Variants in GRIN2A observed in about 807,000 individuals in gnomAD.
The protein encoded by GRIN2A is glutamate receptor ionotropic, NMDA 2A.
Under a neutral mutation model 113.4 loss-of-function variants are expected in GRIN2A, and 22 were observed. That is an observed-to-expected ratio of 0.19 (90% CI 0.14 to 0.28). The LOEUF (loss-of-function observed/expected upper bound fraction) is 0.28. Ranked by LOEUF, GRIN2A falls within the 10% of genes least tolerant of loss-of-function variation. GRIN2A has a pLI of 1.00. For synonymous variants in GRIN2A, 827 were observed against 738.4 expected, an observed-to-expected ratio of 1.12 and a Z score of -1.94; for missense variants, 1,502 against 1,887.0, an observed-to-expected ratio of 0.80 and a Z score of 3.78.
chr16:9,767,906 T>C (rs1233318901), intron 12 of GRIN2A, among the ~76,000 whole-genome samples: 1 of 152,242 alleles, frequency 6.6e-6, no homozygotes, highest in African/African-American at 2.4e-5. Context: ...GATTTTGTTT[T>C]GTTGGGCATG....
chr16:9,980,760 T>C (rs1399186016), intron 2 of GRIN2A, among the ~76,000 whole-genome samples: 1 of 146,708 alleles, frequency 6.8e-6, no homozygotes. Context: ...ACACCACATG[T>C]TCTCACTCAT....
intron 2 of GRIN2A, among the ~76,000 whole-genome samples, chr16:9,953,659 G>T (rs2045234849): frequency 6.6e-6 from 1 of 152,154 alleles, no homozygotes; most frequent in African/African-American, 2.4e-5. Flanking sequence ...TGGAAAAGAG[G>T]CAGAGAAGGA....
intron 2 of GRIN2A, among the ~76,000 whole-genome samples, chr16:10,158,092 C>T (rs2049738872): frequency 6.6e-6 from 1 of 152,138 alleles, no homozygotes; most frequent in African/African-American, 2.4e-5. Flanking sequence ...GCAGCCTCAA[C>T]CTCCTGGGCT....
chr16:10,180,207 C>T lies in GRIN2A; in HGVS notation c.205G>A (p.Val69Met), dbSNP rs367543128. The change falls in exon 2 of 13, where the codon GTG becomes ATG. Residue 69 changes from valine (V) to methionine (M), a missense_variant. Val to Met is a conservative substitution (Grantham distance 21, BLOSUM62 1). Coordinates refer to ENST00000330684, the MANE Select transcript of GRIN2A (RefSeq NM_001134407.3). The surrounding 1 kb of genome is among the most constrained non-coding windows in gnomAD (Gnocchi z 7.0). ...GTGCGGTTCATCAGCAGAGCTACCA[C>T]GTTCACGTCCAGGGGCAGCCCCGCC... Reference protein sequence around the residue: ...QAAGLPLDVNVVALLMNRTDP... With the variant: ...QAAGLPLDVNMVALLMNRTDP... 6.2e-7 allele frequency: 1 copy of T among 1,614,162 alleles called. No homozygotes were observed. Among genetic ancestry groups the T allele is most frequent in the Non-Finnish European group, 8.5e-7 (1 of 1,180,044 alleles).
intron 2 of GRIN2A, among the ~76,000 whole-genome samples, chr16:9,980,084 AC>A (rs1174441905): frequency 6.6e-6 from 1 of 151,222 alleles, no homozygotes; most frequent in Non-Finnish European, 1.5e-5. Flanking sequence ...ACATGGTGAA[AC>A]CCCCATCTCT....
At chr16:10,037,382 C>T (rs12447252) in intron 2 of GRIN2A, 27,771 of 152,246 alleles carry the variant, frequency 0.18, 2,893 homozygotes, top group East Asian at 0.35. Context: ...CGCTTGCATG[C>T]ACTAACAGCC....
chr16:10,177,114 G>T (rs542074231), intron 2 of GRIN2A, among the ~76,000 whole-genome samples: 1 of 152,138 alleles, frequency 6.6e-6, no homozygotes, highest in African/African-American at 2.4e-5. Context: ...ACAATGCACC[G>T]TGACTGTTTC....
chr16:10,012,650 C>A (rs576356701), intron 2 of GRIN2A, among the ~76,000 whole-genome samples: 1 of 152,150 alleles, frequency 6.6e-6, no homozygotes, highest in South Asian at 2.1e-4. Flanking sequence ...AGGTAAAGAT[C>A]TTGAGATGGG....
chr16:9,859,447 C>T (rs1361885914), intron 4 of GRIN2A, among the ~76,000 whole-genome samples: 1 of 152,004 alleles, frequency 6.6e-6, no homozygotes, highest in Non-Finnish European at 1.5e-5. Flanking sequence ...TATATGTATA[C>T]ATATTCCTAT....
At position 10,136,343 on chromosome 16, in the gene GRIN2A, C is replaced by G. The variant is rs140637123; in HGVS notation, c.414+43655G>C. Among the ~76,000 whole-genome samples, 84 of 152,260 alleles carry G rather than the reference C, an allele frequency of 5.5e-4. No individual in the cohort carries two copies. In the East Asian group the frequency reaches 0.014, roughly 26 times the overall value. On this transcript the variant is annotated intron_variant, in intron 2 of 12. Transcript: ENST00000330684. ...CCAAGAGTAAATCTCCAGCTAAAAA[C>G]AAGCTCAAATAGCAACAAAAACTTC...
chr16:9,980,621 A>G (rs1247411646), intron 2 of GRIN2A, among the ~76,000 whole-genome samples: 3 of 152,170 alleles, frequency 2.0e-5, no homozygotes, highest in Non-Finnish European at 4.4e-5. Context: ...GATTAAGAAA[A>G]TGTGGCACAT....
At chr16:10,083,339 G>A (rs1017458540) in intron 2 of GRIN2A, among the ~76,000 whole-genome samples, 17 of 152,244 alleles carry the variant, frequency 1.1e-4, no homozygotes, top group African/African-American at 3.9e-4. Context: ...CCTGGGAGAA[G>A]GGAGCAACCA....
At chr16:9,814,072 G>A (rs1319500791) in intron 10 of GRIN2A, among the ~76,000 whole-genome samples, 1 of 152,166 alleles carries the variant, frequency 6.6e-6, no homozygotes, top group Non-Finnish European at 1.5e-5. Context: ...TTTGCCTTGG[G>A]AATGCCAATA....
At chr16:10,174,070 A>G (rs944890517) in intron 2 of GRIN2A, among the ~76,000 whole-genome samples, 1 of 152,220 alleles carries the variant, frequency 6.6e-6, no homozygotes, top group African/African-American at 2.4e-5. Context: ...TCAAGTAGGA[A>G]TCAAAGCCAC....
At chr16:10,013,104 G>A (rs750781685) in intron 2 of GRIN2A, among the ~76,000 whole-genome samples, 4 of 152,018 alleles carry the variant, frequency 2.6e-5, no homozygotes, top group South Asian at 2.1e-4. Context: ...CCAGTGACAC[G>A]TGTTTACCTA....
At chr16:9,777,141 C>T (rs1456241109) in intron 11 of GRIN2A, among the ~76,000 whole-genome samples, 1 of 152,152 alleles carries the variant, frequency 6.6e-6, no homozygotes, top group Non-Finnish European at 1.5e-5. Context: ...AGTCCACCCT[C>T]CCAGATGCAG....
chr16:9,862,336 G>A (rs545755244), intron 4 of GRIN2A, among the ~76,000 whole-genome samples: 3 of 152,022 alleles, frequency 2.0e-5, no homozygotes, highest in East Asian at 1.9e-4. Context: ...TTTTCCTCTC[G>A]TAATAACTGC....
chr16:10,163,596 C>T (rs1431769978), intron 2 of GRIN2A, among the ~76,000 whole-genome samples: 1 of 152,094 alleles, frequency 6.6e-6, no homozygotes, highest in Admixed American at 6.5e-5. Flanking sequence ...TTCCAGGAAC[C>T]CCAAGTGCCC....
chr16:9,870,649 T>C (rs922003354), intron 4 of GRIN2A, among the ~76,000 whole-genome samples: 1 of 151,644 alleles, frequency 6.6e-6, no homozygotes, highest in African/African-American at 2.4e-5. Flanking sequence ...TTTTTTCTTT[T>C]TTTGTAGAGA....
Sources: allele counts gnomAD v4.1 joint callset (sites outside exome capture counted in the v4.1 genomes callset), GRCh38; gene constraint gnomAD v4.1.1; non-coding constraint Gnocchi (gnomAD v3.1); transcripts MANE v1.5; gene names NCBI Gene and HGNC (gene_info 2026-07-23, HGNC 2026-07-21).